Variants in GLCE observed in about 807,000 individuals in gnomAD.
GLCE encodes the protein glucuronic acid epimerase.
A neutral mutation model predicts 47.9 loss-of-function variants in GLCE; 19 were observed. The observed-to-expected ratio is 0.40, with a 90% CI of 0.28 to 0.58. GLCE has a LOEUF of 0.58. Ranked by LOEUF, GLCE falls within the 20% of genes least tolerant of loss-of-function variation. The pLI, the probability that GLCE is intolerant of heterozygous loss-of-function variation, is 0.48. For missense variants in GLCE, 556 were observed against 743.3 expected, an observed-to-expected ratio of 0.75 and a Z score of 2.93; for synonymous variants, 245 against 263.4, an observed-to-expected ratio of 0.93 and a Z score of 0.68.
At chr15:69,219,417 G>GTA (rs2052350348) in intron 2 of GLCE, among the ~76,000 whole-genome samples, 1 of 151,990 alleles carries the variant, frequency 6.6e-6, no homozygotes. Context: ...ACATCCTAGG[G>GTA]TAAAGTATGT....
At chr15:69,244,743 G>A (rs763884307) in intron 2 of GLCE, among the ~76,000 whole-genome samples, 2 of 152,128 alleles carry the variant, frequency 1.3e-5, no homozygotes, top group South Asian at 2.1e-4. Flanking sequence ...AGTAGGGAAT[G>A]CACAAAATTT....
chr15:69,233,006 T>G (rs1297827823), intron 2 of GLCE, among the ~76,000 whole-genome samples: 1 of 152,044 alleles, frequency 6.6e-6, no homozygotes, highest in Non-Finnish European at 1.5e-5. Context: ...TGAGAAACAG[T>G]TTTCTAACAG....
intron 1 of GLCE, among the ~76,000 whole-genome samples, chr15:69,167,997 A>C (rs774630749): frequency 6.6e-6 from 1 of 152,100 alleles, no homozygotes; most frequent in Non-Finnish European, 1.5e-5. Context: ...TTATCTGAGA[A>C]CTTTACTGGT....
intron 1 of GLCE, among the ~76,000 whole-genome samples, chr15:69,194,126 C>T (rs1003025188): frequency 2.0e-4 from 31 of 152,148 alleles, no homozygotes; most frequent in Admixed American, 6.6e-5. Context: ...AAAACAGTTC[C>T]TCTCCCTACC....
intron 1 of GLCE, among the ~76,000 whole-genome samples, chr15:69,201,040 G>A (rs2052070571): frequency 6.6e-6 from 1 of 152,012 alleles, no homozygotes; most frequent in Non-Finnish European, 1.5e-5. Context: ...AGTAACAAAG[G>A]TCAAGTCCCT....
chr15:69,194,889 G>A (rs2051963932), intron 1 of GLCE, among the ~76,000 whole-genome samples: 1 of 152,040 alleles, frequency 6.6e-6, no homozygotes, highest in African/African-American at 2.4e-5. Context: ...TAATCCAGAA[G>A]GAAGATTCTT....
intron 1 of GLCE, among the ~76,000 whole-genome samples, chr15:69,166,939 G>A (rs1450888045): frequency 2.0e-5 from 3 of 148,858 alleles, no homozygotes; most frequent in Non-Finnish European, 3.0e-5. Flanking sequence ...AAAAAGGCCG[G>A]GTGCGATGGC....
intron 1 of GLCE, among the ~76,000 whole-genome samples, chr15:69,180,894 A>T (rs547811355): frequency 1.3e-5 from 2 of 152,320 alleles, no homozygotes; most frequent in East Asian, 1.9e-4. Context: ...TGTTGAGAGT[A>T]GGCTAAAGGA....
chr15:69,187,380 A>C (rs980514783), intron 1 of GLCE, among the ~76,000 whole-genome samples: 2 of 152,218 alleles, frequency 1.3e-5, no homozygotes, highest in African/African-American at 4.8e-5. Flanking sequence ...ATGTACAAGC[A>C]TACCAAACAT....
chr15:69,230,123 G>A (rs1350140957), intron 2 of GLCE, among the ~76,000 whole-genome samples: 1 of 151,506 alleles, frequency 6.6e-6, no homozygotes, highest in Non-Finnish European at 1.5e-5. Context: ...CAGGAGAATC[G>A]CTTGAACCCA....
At chr15:69,249,591 A>G (rs532217771) in intron 2 of GLCE, among the ~76,000 whole-genome samples, 5 of 152,240 alleles carry the variant, frequency 3.3e-5, no homozygotes, top group Non-Finnish European at 7.3e-5. Flanking sequence ...GTAAGTAGAT[A>G]AGAGAAATAA....
intron 2 of GLCE, among the ~76,000 whole-genome samples, chr15:69,216,359 G>A (rs2052307201): frequency 6.6e-6 from 1 of 152,068 alleles, no homozygotes; most frequent in African/African-American, 2.4e-5. Context: ...ACTTTGGTAT[G>A]TTCTTACAAC....
intron 2 of GLCE, among the ~76,000 whole-genome samples, chr15:69,254,676 C>A (rs1003376588): frequency 6.6e-6 from 1 of 152,048 alleles, no homozygotes; most frequent in Non-Finnish European, 1.5e-5. Flanking sequence ...TTAGTCTGAG[C>A]AGTAGGAAGG....
At chr15:69,172,738 C>T (rs2051607012) in intron 1 of GLCE, among the ~76,000 whole-genome samples, 1 of 152,098 alleles carries the variant, frequency 6.6e-6, no homozygotes, top group South Asian at 2.1e-4. Context: ...AGTGGTGTGC[C>T]TCAAGAAGCT....
At chr15:69,165,285 G>A (rs867475825) in intron 1 of GLCE, among the ~76,000 whole-genome samples, 8 of 151,886 alleles carry the variant, frequency 5.3e-5, no homozygotes, top group African/African-American at 9.7e-5. Flanking sequence ...ACTCTCTATC[G>A]TTACAAGGCC....
intron 2 of GLCE, among the ~76,000 whole-genome samples, chr15:69,222,870 A>G (rs765134294): frequency 1.3e-5 from 2 of 152,156 alleles, no homozygotes; most frequent in Non-Finnish European, 2.9e-5. Flanking sequence ...TGTATTTTCT[A>G]TAGCTACTTT....
At chr15:69,246,444 G>A (rs962157217) in intron 2 of GLCE, among the ~76,000 whole-genome samples, 2 of 152,180 alleles carry the variant, frequency 1.3e-5, no homozygotes, top group Admixed American at 6.5e-5. Flanking sequence ...TTGGCTGGGT[G>A]TGGTGGCTCA....
intron 2 of GLCE, among the ~76,000 whole-genome samples, chr15:69,250,880 AATAAG>A (rs1431387869): frequency 1.3e-5 from 2 of 152,084 alleles, no homozygotes; most frequent in Non-Finnish European, 2.9e-5. Flanking sequence ...GTTTACTTAA[AATAAG>A]ATAATACTAA....
At chr15:69,223,329 G>A (rs547310167) in intron 2 of GLCE, among the ~76,000 whole-genome samples, 2 of 152,184 alleles carry the variant, frequency 1.3e-5, no homozygotes, top group Admixed American at 1.3e-4. Flanking sequence ...CCGGATATAG[G>A]ATTCTTGTTT....
Sources: allele counts gnomAD v4.1 joint callset (sites outside exome capture counted in the v4.1 genomes callset), GRCh38; gene constraint gnomAD v4.1.1; transcripts MANE v1.5; gene names NCBI Gene and HGNC (gene_info 2026-07-23, HGNC 2026-07-21).